ERN1: variants seen among roughly 807,000 people sequenced by gnomAD.
ERN1 encodes the protein endoplasmic reticulum to nucleus signaling 1.
In ERN1, 39 loss-of-function variants were observed where a neutral mutation model predicts 113.1. The ratio of observed to expected loss-of-function variants is 0.34; its 90% CI spans 0.27 to 0.45. ERN1 has a LOEUF of 0.45. Ranked by LOEUF, ERN1 falls within the 20% of genes least tolerant of loss-of-function variation. ERN1 has a pLI of 1.00. For synonymous variants in ERN1, 507 were observed against 515.9 expected, an observed-to-expected ratio of 0.98 and a Z score of 0.23; for missense variants, 976 against 1,274.8, an observed-to-expected ratio of 0.77 and a Z score of 3.57.
intron 1 of ERN1, among the ~76,000 whole-genome samples, chr17:64,123,607 T>C (rs567830056): frequency 8.2e-4 from 125 of 152,160 alleles, no homozygotes; most frequent in Non-Finnish European, 1.6e-3. Context: ...CAACATTGCT[T>C]AGGGCTGGGG....
At chr17:64,079,256 A>T (rs1172235294) in intron 4 of ERN1, among the ~76,000 whole-genome samples, 3 of 152,124 alleles carry the variant, frequency 2.0e-5, no homozygotes. Context: ...TAGATTCTCA[A>T]ATGGAAATGA....
At chr17:64,050,524 C>T (rs994653425) in intron 17 of ERN1, among the ~76,000 whole-genome samples, 1 of 152,182 alleles carries the variant, frequency 6.6e-6, no homozygotes, top group East Asian at 1.9e-4. Flanking sequence ...GTTACAAGAG[C>T]TGCTGCGGCA....
chr17:64,081,125 C>G (rs997598477), intron 2 of ERN1, among the ~76,000 whole-genome samples: 1 of 152,194 alleles, frequency 6.6e-6, no homozygotes, highest in Admixed American at 6.5e-5. Flanking sequence ...GAACCAGTCA[C>G]CACACACCGT....
rs544784995 is a variant in ERN1 at position 64,043,016 on chromosome 17, C to T, written c.*972G>A. The T allele has an allele frequency of 6.6e-5, 10 of 152,472 alleles. No homozygotes were observed. The highest frequency in any genetic ancestry group is 1.3e-4 in the Non-Finnish European group (9 of 68,038). 9.4% of individuals were successfully genotyped at this position (152,472 alleles called of 1,614,324 possible). A position where few individuals can be genotyped will look rare whatever the true frequency, so the allele number is the denominator to read the frequency against. On this transcript the variant is annotated 3_prime_UTR_variant, in exon 22 of 22. Transcript: ENST00000433197. ...CCTGGCCTTGGCCACCCACCCTGGCCCTGACTCACCACGAGCCTCTTGTTC... is the reference window on the plus strand; with the variant it reads ...CCTGGCCTTGGCCACCCACCCTGGCTCTGACTCACCACGAGCCTCTTGTTC...
intron 2 of ERN1, among the ~76,000 whole-genome samples, chr17:64,095,431 AAAAAG>A (rs950561376): frequency 7.9e-5 from 12 of 152,192 alleles, no homozygotes; most frequent in Admixed American, 4.6e-4. Context: ...TCTGTCTCAA[AAAAAG>A]AAAAGAAAAG....
At chr17:64,086,731 CCACCT>C (rs1190818559) in intron 2 of ERN1, among the ~76,000 whole-genome samples, 3 of 138,616 alleles carry the variant, frequency 2.2e-5, no homozygotes, top group Non-Finnish European at 4.6e-5. Context: ...CCTGCAACCT[CCACCT>C]CCTGAGTTCA....
chr17:64,085,765 T>C (rs1056916780), intron 2 of ERN1, among the ~76,000 whole-genome samples: 2 of 152,166 alleles, frequency 1.3e-5, no homozygotes, highest in Non-Finnish European at 2.9e-5. Flanking sequence ...TTAGTGGAGA[T>C]ACCATGATAC....
Position 64,043,766 on chromosome 17 carries a change from T to G in ERN1, c.*222A>C. ...TTGCAGACATCATGACCGTAAGGCT[T>G]TTGGGGCCAGCATCTTCCCAGTTCC... On this transcript the variant is annotated 3_prime_UTR_variant, in exon 22 of 22. Transcript: ENST00000433197. The G allele has an allele frequency of 2.3e-6, 1 of 440,868 alleles. No homozygotes were observed. Among genetic ancestry groups the G allele is most frequent in the Non-Finnish European group, 4.0e-6 (1 of 249,468 alleles). 27.3% of individuals were successfully genotyped at this position (440,868 alleles called of 1,614,324 possible).
intron 11 of ERN1, among the ~76,000 whole-genome samples, chr17:64,059,656 G>A (rs1912989706): frequency 6.6e-6 from 1 of 152,174 alleles, no homozygotes; most frequent in South Asian, 2.1e-4. Context: ...GTAAGAGAAA[G>A]AGGTTGACTT....
chr17:64,052,922 T>C lies in ERN1; in HGVS notation c.2111A>G (p.Lys704Arg), dbSNP rs1218157884. 6.2e-7 allele frequency: 1 copy of C among 1,613,738 alleles called. No individual in the cohort carries two copies. Among genetic ancestry groups the C allele is most frequent in the African/African-American group, 1.3e-5 (1 of 74,926 alleles). Reference protein sequence around the residue: ...ILISMPNAHGKIKAMISDFGL... With the variant: ...ILISMPNAHGRIKAMISDFGL... ...AAAGTCGGAGATCATGGCCTTGATC[T>C]TGCCGTGTGCATTGGGCATGGATAT... Residue 704 changes from lysine (K) to arginine (R), a missense_variant, in exon 17 of 22, where the codon AAG becomes AGG. By Grantham distance (26) the Lys-to-Arg change is conservative. This residue lies in a region of ERN1 where 297 missense variants were observed against 457.8 expected (regional missense o/e 0.65). Transcript: ENST00000433197.
chr17:64,074,621 C>T (rs1400172248), intron 5 of ERN1, among the ~76,000 whole-genome samples: 1 of 152,208 alleles, frequency 6.6e-6, no homozygotes, highest in Admixed American at 6.5e-5. Flanking sequence ...ACTATGATTT[C>T]AAGATAAATA....
chr17:64,128,050 G>A (rs1915126961), intron 1 of ERN1, among the ~76,000 whole-genome samples: 1 of 151,006 alleles, frequency 6.6e-6, no homozygotes, highest in African/African-American at 2.4e-5. Context: ...CACCCAGGCT[G>A]GAGCACAGTG....
intron 1 of ERN1, among the ~76,000 whole-genome samples, chr17:64,121,509 G>T (rs1432116876): frequency 1.3e-5 from 2 of 152,136 alleles, no homozygotes; most frequent in African/African-American, 4.8e-5. Flanking sequence ...TGTTGTTGTT[G>T]TTGAGACGGA....
At chr17:64,072,424 CT>C (rs1836102475) in intron 5 of ERN1, among the ~76,000 whole-genome samples, 1 of 152,212 alleles carries the variant, frequency 6.6e-6, no homozygotes. Context: ...AAAGTCTTGC[CT>C]GTGAAGGGCA....
intron 6 of ERN1, among the ~76,000 whole-genome samples, chr17:64,070,017 T>C (rs1458017769): frequency 6.6e-6 from 1 of 152,206 alleles, no homozygotes; most frequent in Non-Finnish European, 1.5e-5. Context: ...TCTATATCTC[T>C]ACCCTTGATT....
intron 2 of ERN1, among the ~76,000 whole-genome samples, chr17:64,095,222 A>C (rs1248281974): frequency 1.3e-5 from 2 of 152,150 alleles, no homozygotes; most frequent in East Asian, 3.9e-4. Flanking sequence ...TGAGGCCAGG[A>C]GTTTGAGACC....
chr17:64,065,777 G>A (rs1913203710), intron 8 of ERN1, among the ~76,000 whole-genome samples: 1 of 152,144 alleles, frequency 6.6e-6, no homozygotes, highest in Admixed American at 6.5e-5. Context: ...TCTGGATGCT[G>A]AGAGCAAAAG....
At chr17:64,101,014 C>G (rs1464202778) in intron 1 of ERN1, among the ~76,000 whole-genome samples, 1 of 152,134 alleles carries the variant, frequency 6.6e-6, no homozygotes, top group Non-Finnish European at 1.5e-5. Flanking sequence ...ACAATAAATT[C>G]CCCTCTTTGC....
intron 4 of ERN1, among the ~76,000 whole-genome samples, chr17:64,076,405 C>G (rs1913592230): frequency 6.6e-6 from 1 of 152,186 alleles, no homozygotes; most frequent in African/African-American, 2.4e-5. Context: ...TTCAGAGAGG[C>G]TGCAATGACT....
Sources: gnomAD v4.1 joint callset for allele counts (sites outside exome capture counted in the v4.1 genomes callset) on GRCh38, gnomAD v4.1.1 for gene constraint, gnomAD v4.1.1 regional missense constraint, MANE v1.5 for transcripts, NCBI Gene and HGNC (gene_info 2026-07-23, HGNC 2026-07-21) for gene names.